Variants in RBFOX1 observed in about 807,000 individuals in gnomAD.
The protein encoded by RBFOX1 is RNA binding fox-1 homolog 1.
In RBFOX1, 8 loss-of-function variants were observed where a neutral mutation model predicts 57.7. The observed-to-expected ratio is 0.14, with a 90% CI of 0.08 to 0.25. The LOEUF is 0.25. RBFOX1 is among the 10% of genes least tolerant of loss of function. RBFOX1 has a pLI of 1.00. For missense variants in RBFOX1, 611 were observed against 548.5 expected (o/e 1.11, Z -1.14); for synonymous variants, 326 against 222.4 (o/e 1.47, Z -4.15).
At chr16:5,799,987 C>T (rs1424181602) in intron 3 of RBFOX1, among the ~76,000 whole-genome samples, 1 of 151,956 alleles carries the variant, frequency 6.6e-6, no homozygotes, top group Non-Finnish European at 1.5e-5. Flanking sequence ...ATGCATGTCT[C>T]CCAAGATATA....
In RBFOX1 at chr16:5,974,239, C is replaced by A. The variant is rs186934150; in HGVS notation, c.351+106904C>A. Reference sequence around the variant, plus strand: ...TCAGCTGTTCCTGTTGCATTTGGAACTGCAAAGAGAGGTAGAGTTTCATGA... The same window carrying A: ...TCAGCTGTTCCTGTTGCATTTGGAAATGCAAAGAGAGGTAGAGTTTCATGA... On this transcript the variant is annotated intron_variant, in intron 4 of 19. Coordinates refer to the RBFOX1 transcript ENST00000641259. Among the ~76,000 whole-genome samples, 624 of 152,284 alleles carry A rather than the reference C, an allele frequency of 4.1e-3. 2 individuals are homozygous for A. The highest frequency in any genetic ancestry group is 7.0e-3 in the Non-Finnish European group (473 of 68,012).
intron 3 of RBFOX1, among the ~76,000 whole-genome samples, chr16:6,836,190 A>C (rs968983401): frequency 4.6e-5 from 7 of 152,218 alleles, no homozygotes; most frequent in African/African-American, 1.7e-4. Flanking sequence ...TGAATATGTT[A>C]GTCATTTTCT....
intron 5 of RBFOX1, among the ~76,000 whole-genome samples, chr16:7,557,092 T>G (rs2088777099): frequency 6.6e-6 from 1 of 152,062 alleles, no homozygotes; most frequent in African/African-American, 2.4e-5. Context: ...TTGCTGTGAG[T>G]CCACAGAGCG....
At chr16:5,996,669 A>AAG (rs1365779074) in intron 4 of RBFOX1, among the ~76,000 whole-genome samples, 2 of 152,038 alleles carry the variant, frequency 1.3e-5, no homozygotes, top group Admixed American at 1.3e-4. Flanking sequence ...TTGAAGGGGT[A>AAG]AGAGAGAGAG....
intron 1 of RBFOX1, among the ~76,000 whole-genome samples, chr16:5,283,426 C>T (rs2063319710): frequency 2.0e-5 from 3 of 152,106 alleles, no homozygotes. Flanking sequence ...GGAAAAGCTG[C>T]AAACACTCAA....
chr16:5,678,031 C>G (rs1308919926), intron 3 of RBFOX1, among the ~76,000 whole-genome samples: 1 of 152,170 alleles, frequency 6.6e-6, no homozygotes, highest in Non-Finnish European at 1.5e-5. Flanking sequence ...CATCTGAACC[C>G]TTTTGTGTAT....
intron 1 of RBFOX1, among the ~76,000 whole-genome samples, chr16:6,231,498 G>A (rs374608509): frequency 3.9e-5 from 6 of 152,206 alleles, no homozygotes; most frequent in African/African-American, 1.4e-4. Flanking sequence ...CAGATGGGGA[G>A]TAAGATTTGG....
intron 1 of RBFOX1, among the ~76,000 whole-genome samples, chr16:5,422,087 G>A (rs1432028888): frequency 6.6e-6 from 1 of 152,170 alleles, no homozygotes; most frequent in African/African-American, 2.4e-5. Context: ...CAGCCATCTT[G>A]CTCCTGAAAA....
chr16:5,722,117 C>A (rs1470962089), intron 3 of RBFOX1, among the ~76,000 whole-genome samples: 2 of 152,192 alleles, frequency 1.3e-5, no homozygotes, highest in Non-Finnish European at 2.9e-5. Context: ...CTACTGACAT[C>A]CTGTCTTTCC....
intron 3 of RBFOX1, among the ~76,000 whole-genome samples, chr16:5,686,029 C>A: frequency 6.6e-6 from 1 of 152,278 alleles, no homozygotes; most frequent in East Asian, 1.9e-4. Context: ...AAGTAGGTCT[C>A]TTTTTAATTT....
chr16:5,247,093 A>C (rs2062321186), intron 1 of RBFOX1, among the ~76,000 whole-genome samples: 1 of 152,144 alleles, frequency 6.6e-6, no homozygotes, highest in African/African-American at 2.4e-5. Flanking sequence ...AAATGGCAGG[A>C]TTTCCTTCTT....
chr16:7,319,665 G>T (rs2143007139), intron 4 of RBFOX1, among the ~76,000 whole-genome samples: 1 of 152,272 alleles, frequency 6.6e-6, no homozygotes, highest in South Asian at 2.1e-4. Context: ...CTGAGTGTTG[G>T]TGCCAGCTCC....
chr16:5,872,195 CTG>C (rs1167343963), intron 4 of RBFOX1, among the ~76,000 whole-genome samples: 2 of 152,180 alleles, frequency 1.3e-5, no homozygotes, highest in Non-Finnish European at 2.9e-5. Context: ...CCTAGCCATC[CTG>C]TGTCATTTGA....
intron 1 of RBFOX1, among the ~76,000 whole-genome samples, chr16:6,193,379 TTATATATATATACTATATATA>T (rs2097156031): frequency 1.6e-5 from 1 of 63,136 alleles, no homozygotes; most frequent in Non-Finnish European, 3.2e-5. Context: ...TATATATACA[TTATATATATATACTATATATA>T]TATATATATA....
At chr16:7,353,634 A>T (rs1257848606) in intron 4 of RBFOX1, among the ~76,000 whole-genome samples, 2 of 152,234 alleles carry the variant, frequency 1.3e-5, no homozygotes, top group Non-Finnish European at 2.9e-5. Flanking sequence ...GTATAAAATG[A>T]AATGATGTCT....
intron 12 of RBFOX1, among the ~76,000 whole-genome samples, chr16:7,658,214 T>A (rs2066805610): frequency 6.6e-6 from 1 of 152,136 alleles, no homozygotes; most frequent in African/African-American, 2.4e-5. Flanking sequence ...CCCTTTTGCT[T>A]GTGGTTGAGT....
chr16:7,472,126 A>G (rs2150955881), intron 4 of RBFOX1, among the ~76,000 whole-genome samples: 1 of 152,292 alleles, frequency 6.6e-6, no homozygotes, highest in African/African-American at 2.4e-5. Flanking sequence ...AGAATATATA[A>G]CATGTTTATA....
At chr16:7,411,034 C>G (rs867904344) in intron 4 of RBFOX1, among the ~76,000 whole-genome samples, 1 of 152,098 alleles carries the variant, frequency 6.6e-6, no homozygotes, top group Non-Finnish European at 1.5e-5. Flanking sequence ...CACCCTCTGC[C>G]TCTTGAGTTT....
At chr16:7,648,704 A>G (rs1480911166) in intron 11 of RBFOX1, among the ~76,000 whole-genome samples, 2 of 152,148 alleles carry the variant, frequency 1.3e-5, no homozygotes, top group African/African-American at 4.8e-5. Flanking sequence ...GAAGGGTGAG[A>G]TGTGATGAAG....
Sources: allele counts gnomAD v4.1 joint callset (sites outside exome capture counted in the v4.1 genomes callset), GRCh38; gene constraint gnomAD v4.1.1; transcripts MANE v1.5; gene names NCBI Gene and HGNC (gene_info 2026-07-23, HGNC 2026-07-21).